GOSR1: variants seen among roughly 807,000 people sequenced by gnomAD.
The protein encoded by GOSR1 is golgi SNAP receptor complex member 1, also known as 28 kDa Golgi SNARE protein.
In GOSR1, 21 loss-of-function variants were observed where a neutral mutation model predicts 35.5. The ratio of observed to expected loss-of-function variants is 0.59; its 90% CI spans 0.42 to 0.85. The LOEUF (loss-of-function observed/expected upper bound fraction) is 0.85, where lower values mean the gene tolerates loss of function less well. Ranked by LOEUF, GOSR1 falls within the 40% of genes least tolerant of loss-of-function variation. The pLI, the probability that GOSR1 is intolerant of heterozygous loss-of-function variation, is 0.00. For missense variants in GOSR1, 285 were observed against 309.6 expected (o/e 0.92, Z 0.60); for synonymous variants, 94 against 106.6 (o/e 0.88, Z 0.73).
intron 6 of GOSR1, among the ~76,000 whole-genome samples, chr17:30,503,301 AT>A (rs1410930563): frequency 6.6e-6 from 1 of 152,164 alleles, no homozygotes; most frequent in Non-Finnish European, 1.5e-5. Context: ...AAAGAGAATT[AT>A]TTAAATATGG....
At chr17:30,484,466 T>TA (rs367641860) in intron 3 of GOSR1, among the ~76,000 whole-genome samples, 165 bp downstream of exon 3, 122 of 152,332 alleles carry the variant, frequency 8.0e-4, no homozygotes, top group African/African-American at 2.5e-3. Flanking sequence ...TCTCAGGTGA[T>TA]ATGATGTTAT....
At chr17:30,515,122 G>A (rs1241115530) in intron 7 of GOSR1, among the ~76,000 whole-genome samples, 2 of 151,918 alleles carry the variant, frequency 1.3e-5, no homozygotes, top group Non-Finnish European at 2.9e-5. Context: ...ATATTTAAGG[G>A]TGTGACTCCA....
chr17:30,477,622 T>C, intron 1 of GOSR1, 158 bp downstream of exon 1: 1 of 1,389,364 alleles, frequency 7.2e-7, no homozygotes. Context: ...GCCTTGGGGA[T>C]ACCGAACGGT....
rs1967092111 is a variant in GOSR1, at chr17:30,498,759, G to C, written c.509+6006G>C. On this transcript the variant is annotated intron_variant, in intron 6 of 8. Coordinates refer to ENST00000451249, the MANE Select transcript of GOSR1 (RefSeq NM_001007025.2). ...TAGGTCTCACTCTGGCACCTGAAGA[G>C]GACACACTGGGCAAAAGAAAGTGAG... 2.6e-5 allele frequency among the ~76,000 whole-genome samples: 4 copies of C among 152,254 alleles called. No individual in the cohort carries two copies. The South Asian group carries it at 8.3e-4, about 32-fold the overall frequency.
At chr17:30,502,301 C>CT in intron 6 of GOSR1, among the ~76,000 whole-genome samples, 1 of 152,172 alleles carries the variant, frequency 6.6e-6, no homozygotes, top group Non-Finnish European at 1.5e-5. Flanking sequence ...ACCCCTACCA[C>CT]CGTGCAATGC....
chr17:30,481,330 A>G, intron 2 of GOSR1, 73 bp downstream of exon 2: 1 of 1,111,770 alleles, frequency 9.0e-7, no homozygotes, highest in East Asian at 2.4e-5. Context: ...AAACTAAAAT[A>G]TATAACTTCT....
chr17:30,516,155 C>T (rs1307152355), intron 7 of GOSR1, among the ~76,000 whole-genome samples: 1 of 151,274 alleles, frequency 6.6e-6, no homozygotes, highest in Non-Finnish European at 1.5e-5. Context: ...ATTGTAACAA[C>T]TTAAATAATA....
At chr17:30,499,493 C>T (rs1967123475) in intron 6 of GOSR1, among the ~76,000 whole-genome samples, 1 of 152,152 alleles carries the variant, frequency 6.6e-6, no homozygotes, top group South Asian at 2.1e-4. Flanking sequence ...AGGCGCATGC[C>T]ACCACGCCCA....
chr17:30,477,607 C>A (rs1914023938), intron 1 of GOSR1, 143 bp downstream of exon 1: 4 of 1,392,134 alleles, frequency 2.9e-6, no homozygotes, highest in Admixed American at 2.9e-5. Flanking sequence ...AGTGGGATCC[C>A]CGGGGCCTTG....
chr17:30,510,124 G>A (rs1246743933), intron 6 of GOSR1, among the ~76,000 whole-genome samples: 2 of 152,116 alleles, frequency 1.3e-5, no homozygotes, highest in Non-Finnish European at 2.9e-5. Context: ...AGGCTGGAGT[G>A]CAGTGGCATG....
At chr17:30,485,195 C>A in intron 4 of GOSR1, 13 of 189,826 alleles carry the variant, frequency 6.8e-5, no homozygotes, top group East Asian at 1.3e-4. Context: ...GTGTATGCAC[C>A]AATAAAACTA....
At chr17:30,505,632 A>G (rs1272656468) in intron 6 of GOSR1, among the ~76,000 whole-genome samples, 1 of 152,212 alleles carries the variant, frequency 6.6e-6, no homozygotes, top group Non-Finnish European at 1.5e-5. Context: ...CATATCTGTT[A>G]TAGCGATCAG....
At chr17:30,513,519 A>C (rs1967689746) in intron 7 of GOSR1, among the ~76,000 whole-genome samples, 1 of 152,218 alleles carries the variant, frequency 6.6e-6, no homozygotes, top group Non-Finnish European at 1.5e-5. Context: ...GAAATCATGC[A>C]TCTTCAACAA....
At chr17:30,509,409 G>A (rs973480474) in intron 6 of GOSR1, among the ~76,000 whole-genome samples, 4 of 152,190 alleles carry the variant, frequency 2.6e-5, no homozygotes, top group Non-Finnish European at 2.9e-5. Flanking sequence ...GCACCCGGCC[G>A]GTATTTATGA....
intron 6 of GOSR1, among the ~76,000 whole-genome samples, chr17:30,503,523 T>G (rs1249825485): frequency 6.6e-6 from 1 of 152,218 alleles, no homozygotes; most frequent in Non-Finnish European, 1.5e-5. Flanking sequence ...GGAAAATAAG[T>G]TTAAATTTAA....
At chr17:30,500,945 A>C (rs1597783443) in intron 6 of GOSR1, among the ~76,000 whole-genome samples, 1 of 141,572 alleles carries the variant, frequency 7.1e-6, no homozygotes, top group Non-Finnish European at 1.5e-5. Flanking sequence ...CAGTGGCGGG[A>C]TCTCGGCTCA....
chr17:30,484,349 G>T (rs1183278480), intron 3 of GOSR1, 48 bp downstream of exon 3: 4 of 976,618 alleles, frequency 4.1e-6, no homozygotes, highest in Non-Finnish European at 5.0e-6. Flanking sequence ...CTGTATACTT[G>T]TTACGTAGGA....
At chr17:30,493,071 G>A (rs370036921) in intron 6 of GOSR1, among the ~76,000 whole-genome samples, 45 of 151,294 alleles carry the variant, frequency 3.0e-4, no homozygotes, top group African/African-American at 8.8e-4. Context: ...TCAGCTCACT[G>A]CAGCCGCTTG....
Position 30,522,549 on chromosome 17 carries a change from G to T in GOSR1, c.*171G>T. On this transcript the variant is annotated 3_prime_UTR_variant, in exon 9 of 9. Coordinates refer to ENST00000451249, the MANE Select transcript of GOSR1 (RefSeq NM_001007025.2). ...ATGGTCAGGTTGAGCTGAAGCCACA[G>T]TTTCTCTGTGCTGTGTTTTCTAACA... 2.2e-6 allele frequency: 1 copy of T among 444,556 alleles called. No individual in the cohort carries two copies. Among genetic ancestry groups the T allele is most frequent in the Non-Finnish European group, 4.0e-6 (1 of 250,878 alleles). 27.5% of individuals were successfully genotyped at this position (444,556 alleles called of 1,614,324 possible). A position where few individuals can be genotyped will look rare whatever the true frequency, so the allele number is the denominator to read the frequency against.
Sources: gnomAD v4.1 joint callset for allele counts (sites outside exome capture counted in the v4.1 genomes callset) on GRCh38, gnomAD v4.1.1 for gene constraint, MANE v1.5 for transcripts, NCBI Gene and HGNC (gene_info 2026-07-23, HGNC 2026-07-21) for gene names.